STXBP5L: variants seen among roughly 807,000 people sequenced by gnomAD.
STXBP5L encodes syntaxin binding protein 5L.
A neutral mutation model predicts 144.5 loss-of-function variants in STXBP5L; 65 were observed. The ratio of observed to expected loss-of-function variants is 0.45; its 90% CI spans 0.37 to 0.55. The LOEUF (loss-of-function observed/expected upper bound fraction) is 0.55. Among genes scored for constraint, STXBP5L ranks in the 20% least tolerant of loss-of-function variants. STXBP5L has a pLI of 0.00. For synonymous variants in STXBP5L, 505 were observed against 469.6 expected, an observed-to-expected ratio of 1.08 and a Z score of -0.97; for missense variants, 1,298 against 1,405.5, an observed-to-expected ratio of 0.92 and a Z score of 1.22.
At chr3:121,300,315 T>C (rs1699965) in intron 19 of STXBP5L, among the ~76,000 whole-genome samples, 2,228 of 152,096 alleles carry the variant, frequency 0.015, 24 homozygotes, top group Non-Finnish European at 0.022. Flanking sequence ...AAAAAAACGA[T>C]GGAAAATTAG....
chr3:121,383,970 G>A (rs1366233042), intron 22 of STXBP5L, among the ~76,000 whole-genome samples: 1 of 152,090 alleles, frequency 6.6e-6, no homozygotes, highest in Non-Finnish European at 1.5e-5. Context: ...TGAGTGACAT[G>A]CTCTCTGACC....
chr3:121,017,652 T>G (rs1393205221), intron 3 of STXBP5L, among the ~76,000 whole-genome samples: 1 of 152,150 alleles, frequency 6.6e-6, no homozygotes, highest in Non-Finnish European at 1.5e-5. Context: ...AATGAACAAT[T>G]AAAAACACAG....
At chr3:121,343,558 T>C (rs2044820906) in intron 20 of STXBP5L, among the ~76,000 whole-genome samples, 1 of 152,128 alleles carries the variant, frequency 6.6e-6, no homozygotes, top group South Asian at 2.1e-4. Flanking sequence ...AGTCTCAGGA[T>C]ACAAAATCAA....
At chr3:121,336,921 T>G (rs915520382) in intron 20 of STXBP5L, among the ~76,000 whole-genome samples, 1 of 152,130 alleles carries the variant, frequency 6.6e-6, no homozygotes, top group East Asian at 1.9e-4. Context: ...CACACAGCCA[T>G]AAAAAAGAAT....
intron 3 of STXBP5L, among the ~76,000 whole-genome samples, chr3:120,975,514 T>C (rs1163102305): frequency 6.6e-6 from 1 of 152,200 alleles, no homozygotes; most frequent in Non-Finnish European, 1.5e-5. Flanking sequence ...CTTCCTCTTT[T>C]CCTAATTGAA....
intron 2 of STXBP5L, among the ~76,000 whole-genome samples, chr3:120,914,324 C>T (rs1708997009): frequency 6.6e-6 from 1 of 152,028 alleles, no homozygotes; most frequent in African/African-American, 2.4e-5. Flanking sequence ...TTAGCCAACT[C>T]ACTATTCATA....
At chr3:121,320,902 T>A (rs1222565051) in intron 20 of STXBP5L, among the ~76,000 whole-genome samples, 1 of 152,106 alleles carries the variant, frequency 6.6e-6, no homozygotes. Flanking sequence ...GGTTTCACTG[T>A]GTTAGCCAGG....
intron 19 of STXBP5L, chr3:121,282,467 G>A: frequency 3.0e-6 from 2 of 676,820 alleles, no homozygotes; most frequent in Non-Finnish European, 2.4e-6. Context: ...GTTTTGTTAT[G>A]GTGTGCAACC....
intron 20 of STXBP5L, among the ~76,000 whole-genome samples, chr3:121,319,175 A>T (rs1188845557): frequency 6.6e-6 from 1 of 152,074 alleles, no homozygotes; most frequent in Non-Finnish European, 1.5e-5. Context: ...ATATTTGATA[A>T]TTCTGATTTT....
At chr3:121,323,870 C>T (rs2044058136) in intron 20 of STXBP5L, among the ~76,000 whole-genome samples, 1 of 152,116 alleles carries the variant, frequency 6.6e-6, no homozygotes, top group African/African-American at 2.4e-5. Flanking sequence ...TTAAAGAGAA[C>T]AGATCCTTTT....
chr3:121,040,007 T>A (rs1322465822), intron 3 of STXBP5L, among the ~76,000 whole-genome samples: 3 of 152,028 alleles, frequency 2.0e-5, no homozygotes, highest in Non-Finnish European at 4.4e-5. Context: ...CTACTTAACA[T>A]GCTCAATCTC....
At chr3:120,910,051 A>G (rs926091381) in intron 2 of STXBP5L, among the ~76,000 whole-genome samples, 1 of 152,260 alleles carries the variant, frequency 6.6e-6, no homozygotes, top group African/African-American at 2.4e-5. Context: ...TGTGTATTAT[A>G]TTAACTGAAG....
At chr3:121,161,894 T>C (rs1282699469) in intron 9 of STXBP5L, among the ~76,000 whole-genome samples, 1 of 152,124 alleles carries the variant, frequency 6.6e-6, no homozygotes, top group Non-Finnish European at 1.5e-5. Context: ...TTCCTGGAAA[T>C]ACTAGCCAAT....
intron 3 of STXBP5L, among the ~76,000 whole-genome samples, chr3:121,003,133 T>C (rs1374973569): frequency 6.6e-6 from 1 of 152,198 alleles, no homozygotes; most frequent in Non-Finnish European, 1.5e-5. Context: ...ATTGCCACAC[T>C]GACTTCCACA....
chr3:121,083,996 G>T (rs1380112030), intron 5 of STXBP5L, among the ~76,000 whole-genome samples: 1 of 151,768 alleles, frequency 6.6e-6, no homozygotes, highest in Non-Finnish European at 1.5e-5. Flanking sequence ...TCTCCTACTA[G>T]AGATTTTTCT....
intron 3 of STXBP5L, among the ~76,000 whole-genome samples, chr3:120,978,380 T>G (rs1335103970): frequency 6.6e-6 from 1 of 152,258 alleles, no homozygotes; most frequent in Admixed American, 6.5e-5. Context: ...TCTCAAGCCT[T>G]GGCTTTCAGC....
chr3:121,421,909 A>ACGT lies in STXBP5L; in HGVS notation c.*2812_*2813insCGT. On this transcript the variant is annotated 3_prime_UTR_variant, in exon 27 of 27. Coordinates refer to ENST00000471454, the MANE Select transcript of STXBP5L (RefSeq NM_001308330.2). ...AAACGTGTCTTTCAAAATTGCTTTTATAAGCCCTTCCTTAACGTAAGGGTA... is the reference window on the plus strand; with the variant it reads ...AAACGTGTCTTTCAAAATTGCTTTTACGTTAAGCCCTTCCTTAACGTAAGGGTA... 6.6e-6 allele frequency: 1 copy of ACGT among 152,230 alleles called. No homozygotes were observed. Among genetic ancestry groups the ACGT allele is most frequent in the African/African-American group, 2.4e-5 (1 of 41,474 alleles). The allele number at this position is 152,230 out of a possible 1,614,324, so 9.4% of individuals were successfully genotyped here.
intron 7 of STXBP5L, 123 bp downstream of exon 7, chr3:121,121,827 G>A (rs2044480052): frequency 3.6e-6 from 2 of 551,572 alleles, no homozygotes; most frequent in South Asian, 3.6e-5. Context: ...TATGTAAAAT[G>A]AAAATGTGTT....
chr3:121,011,523 A>G (rs1307430397), intron 3 of STXBP5L, among the ~76,000 whole-genome samples: 1 of 151,710 alleles, frequency 6.6e-6, no homozygotes. Context: ...GGTACCCTCT[A>G]TTCCTCTCAA....
Sources: gnomAD v4.1 joint callset for allele counts (sites outside exome capture counted in the v4.1 genomes callset) on GRCh38, gnomAD v4.1.1 for gene constraint, MANE v1.5 for transcripts, NCBI Gene and HGNC (gene_info 2026-07-23, HGNC 2026-07-21) for gene names.